Variants in SYN2 observed in about 807,000 individuals in gnomAD.
SYN2 encodes the protein synapsin II, also known as synapsin-2.
In SYN2, 19 loss-of-function variants were observed where a neutral mutation model predicts 50.9. The observed-to-expected ratio is 0.37, with a 90% confidence interval of 0.26 to 0.55. SYN2 has a LOEUF of 0.55. Ranked by LOEUF, SYN2 falls within the 20% of genes least tolerant of loss-of-function variation. The probability of loss-of-function intolerance (pLI) is 0.81; values close to 1 mark genes in which losing one functional copy is unlikely to be tolerated. For missense variants in SYN2, 587 were observed against 576.4 expected (o/e 1.02, Z -0.19); for synonymous variants, 255 against 224.9 (o/e 1.13, Z -1.20).
intron 1 of SYN2, among the ~76,000 whole-genome samples, chr3:12,020,123 G>A (rs1694102540): frequency 6.6e-6 from 1 of 152,038 alleles, no homozygotes. Context: ...GAGTTCTTCT[G>A]GTATATTTCA....
intron 1 of SYN2, among the ~76,000 whole-genome samples, chr3:12,049,481 T>G (rs1016497506): frequency 6.6e-6 from 1 of 151,156 alleles, no homozygotes; most frequent in African/African-American, 2.4e-5. Flanking sequence ...ATTGTGCCAC[T>G]GCATTGCAGC....
intron 1 of SYN2, among the ~76,000 whole-genome samples, chr3:12,139,964 G>A (rs1696977391): frequency 6.6e-6 from 1 of 152,198 alleles, no homozygotes; most frequent in African/African-American, 2.4e-5. Context: ...GGTTCCTCTA[G>A]ATCTGTGACA....
At chr3:12,072,161 C>A (rs1315015393) in intron 1 of SYN2, among the ~76,000 whole-genome samples, 1 of 151,896 alleles carries the variant, frequency 6.6e-6, no homozygotes, top group Non-Finnish European at 1.5e-5. Flanking sequence ...CTATTTAAAT[C>A]TTTTGACTGT....
At position 12,082,597 on chromosome 3, in the gene SYN2, G is replaced by A. The variant is rs144167706; in HGVS notation, c.378-58054G>A. 7.2e-5 allele frequency among the ~76,000 whole-genome samples: 11 copies of A among 152,330 alleles called. No homozygotes were observed. In the East Asian group the frequency reaches 1.9e-3, roughly 27 times the overall value. ...AGAACTAGGCTGACTTAAGAAGTAA[G>A]TATTACCTTTTTACTAAAAGGCATT... On this transcript the variant is annotated intron_variant, in intron 1 of 12. Transcript: ENST00000621198.
At chr3:12,108,737 A>C (rs929901736) in intron 1 of SYN2, among the ~76,000 whole-genome samples, 1 of 152,014 alleles carries the variant, frequency 6.6e-6, no homozygotes, top group Non-Finnish European at 1.5e-5. Context: ...TCTGTACTAT[A>C]GGAATGGGCA....
At chr3:12,084,080 CATTG>C (rs1695639219) in intron 1 of SYN2, among the ~76,000 whole-genome samples, 1 of 152,128 alleles carries the variant, frequency 6.6e-6, no homozygotes, top group Non-Finnish European at 1.5e-5. Context: ...TAAAACTCTT[CATTG>C]ATCAGGAATT....
chr3:12,143,538 T>C (rs1027115240), intron 3 of SYN2, among the ~76,000 whole-genome samples: 2 of 152,152 alleles, frequency 1.3e-5, no homozygotes, highest in Admixed American at 1.3e-4. Context: ...ACAAATGCAG[T>C]ATTTGATTTT....
intron 1 of SYN2, among the ~76,000 whole-genome samples, chr3:12,039,386 A>G (rs1229763910): frequency 6.6e-6 from 1 of 152,148 alleles, no homozygotes; most frequent in Non-Finnish European, 1.5e-5. Flanking sequence ...AAGGTCCCTC[A>G]TGTTATTTCA....
chr3:12,055,333 C>T (rs921368852), intron 1 of SYN2, among the ~76,000 whole-genome samples: 11 of 151,828 alleles, frequency 7.2e-5, no homozygotes, highest in Admixed American at 4.6e-4. Flanking sequence ...CACTACATAA[C>T]GATATTTAAG....
At chr3:12,186,576 C>G (rs186422640) in intron 11 of SYN2, among the ~76,000 whole-genome samples, 12 of 152,206 alleles carry the variant, frequency 7.9e-5, no homozygotes, top group African/African-American at 2.9e-4. Context: ...TGCTAGAACC[C>G]CTTGAGGATA....
chr3:12,161,686 A>C (rs1056689604), intron 6 of SYN2, 78 bp downstream of exon 6: 10 of 1,473,622 alleles, frequency 6.8e-6, no homozygotes, highest in Non-Finnish European at 9.5e-6. Context: ...GTGAACTGCT[A>C]TTCTCCCTCT....
At chr3:12,184,147 G>A (rs1698288099) in intron 11 of SYN2, 1 of 985,866 alleles carries the variant, frequency 1.0e-6, no homozygotes, top group African/African-American at 1.7e-5. Context: ...GCTATTTCCA[G>A]GAATGTGTTC....
At chr3:12,102,415 C>T (rs1696097530) in intron 1 of SYN2, among the ~76,000 whole-genome samples, 1 of 152,066 alleles carries the variant, frequency 6.6e-6, no homozygotes, top group Non-Finnish European at 1.5e-5. Flanking sequence ...AACAGAATAA[C>T]TGAATGAATA....
chr3:12,154,276 T>A, intron 5 of SYN2: 1 of 1,613,068 alleles, frequency 6.2e-7, no homozygotes, highest in Non-Finnish European at 8.5e-7. Context: ...GAATGAAGGC[T>A]CAGAACCCTT....
At position 12,047,540 on chromosome 3, in the gene SYN2, G is replaced by T. The variant is rs188847926; in HGVS notation, c.377+42612G>T. On this transcript the variant is annotated intron_variant, in intron 1 of 12. Coordinates refer to ENST00000621198, the MANE Select transcript of SYN2 (RefSeq NM_133625.6). The stretch of plus-strand genomic sequence containing the variant: ...TGTTCTGTTGTGTTATTTCTTTCTG[G>T]CATTCTTCAGCAGCTTGGGGACACA... Among the ~76,000 whole-genome samples, 9 of 151,476 alleles carry T rather than the reference G, an allele frequency of 5.9e-5. No homozygotes were observed. In the East Asian group the frequency reaches 1.3e-3, roughly 23 times the overall value.
intron 1 of SYN2, among the ~76,000 whole-genome samples, chr3:12,048,308 C>T (rs1008178761): frequency 8.5e-5 from 13 of 152,254 alleles, no homozygotes; most frequent in South Asian, 4.2e-4. Flanking sequence ...GCTGGGACGA[C>T]GGGTGTGCAC....
chr3:12,139,201 C>T lies in SYN2; in HGVS notation c.378-1450C>T, dbSNP rs773195819. On this transcript the variant is annotated intron_variant, in intron 1 of 12. Coordinates refer to ENST00000621198, the MANE Select transcript of SYN2 (RefSeq NM_133625.6). ...TAGGACAAATGACAACTTCCTAGAA[C>T]GGGGTGTTCCAGAACCCATAGAGAA... Among the ~76,000 whole-genome samples the T allele has an allele frequency of 1.2e-4, 18 of 152,134 alleles. 1 individual carries two copies. The East Asian group carries it at 2.5e-3, about 21-fold the overall frequency.
intron 1 of SYN2, among the ~76,000 whole-genome samples, chr3:12,104,490 G>A (rs1451031986): frequency 6.6e-6 from 1 of 151,264 alleles, no homozygotes; most frequent in Non-Finnish European, 1.5e-5. Flanking sequence ...GATCTAGTGG[G>A]CACATATACA....
At chr3:12,135,221 A>G (rs1696871970) in intron 1 of SYN2, among the ~76,000 whole-genome samples, 1 of 152,194 alleles carries the variant, frequency 6.6e-6, no homozygotes, top group South Asian at 2.1e-4. Flanking sequence ...TCATCTTGCC[A>G]GTGGGTGGCG....
Sources: gnomAD v4.1 joint callset for allele counts (sites outside exome capture counted in the v4.1 genomes callset) on GRCh38, gnomAD v4.1.1 for gene constraint, MANE v1.5 for transcripts, NCBI Gene and HGNC (gene_info 2026-07-23, HGNC 2026-07-21) for gene names.